WIPI2: variants seen among roughly 807,000 people sequenced by gnomAD.
The protein encoded by WIPI2 is WD repeat domain phosphoinositide-interacting protein 2.
Under a neutral mutation model 52.3 loss-of-function variants are expected in WIPI2, and 28 were observed. The ratio of observed to expected loss-of-function variants is 0.54; its 90% CI spans 0.40 to 0.73. WIPI2 has a LOEUF of 0.73. Among genes scored for constraint, WIPI2 ranks in the 30% least tolerant of loss-of-function variants. The pLI is 0.00. For synonymous variants in WIPI2, 268 were observed against 245.0 expected, an observed-to-expected ratio of 1.09 and a Z score of -0.88; for missense variants, 506 against 602.9, an observed-to-expected ratio of 0.84 and a Z score of 1.68.
intron 3 of WIPI2, among the ~76,000 whole-genome samples, chr7:5,204,839 G>A (rs896996174): frequency 6.6e-6 from 1 of 152,116 alleles, no homozygotes; most frequent in Non-Finnish European, 1.5e-5. Context: ...ACACCACCAT[G>A]CCCAGCTAAT....
At chr7:5,191,911 C>T (rs6956950) in intron 1 of WIPI2, among the ~76,000 whole-genome samples, 57,892 of 151,970 alleles carry the variant, frequency 0.38, 12,052 homozygotes, top group Non-Finnish European at 0.48. Flanking sequence ...GGCAAATCAC[C>T]TCATCCAACT....
intron 3 of WIPI2, among the ~76,000 whole-genome samples, chr7:5,210,945 G>A (rs1044441851): frequency 6.6e-5 from 10 of 152,180 alleles, no homozygotes; most frequent in Non-Finnish European, 1.5e-4. Flanking sequence ...CCACACATGT[G>A]CTTTCTCCGC....
intron 3 of WIPI2, among the ~76,000 whole-genome samples, chr7:5,204,802 T>C (rs1782212207): frequency 6.6e-6 from 1 of 152,064 alleles, no homozygotes; most frequent in Admixed American, 6.6e-5. Context: ...TCCCCCTTCT[T>C]GCATAGCTGG....
Position 5,210,225 on chromosome 7 carries a change from T to C in WIPI2, c.212-4310T>C, listed in dbSNP as rs118071494. ...CGCCTGGCCTGTAGCATAACTCCTA[T>C]AGATAGTTGCCTAAGTTTTTTTCCA... On this transcript the variant is annotated intron_variant, in intron 3 of 12. Coordinates refer to ENST00000288828, the MANE Select transcript of WIPI2 (RefSeq NM_015610.4). Among the ~76,000 whole-genome samples the C allele has an allele frequency of 2.6e-4, 40 of 152,270 alleles. No individual in the cohort carries two copies. In the East Asian group the frequency reaches 6.2e-3, roughly 24 times the overall value.
intron 3 of WIPI2, among the ~76,000 whole-genome samples, chr7:5,205,525 GTT>G (rs1183088069): frequency 6.6e-6 from 1 of 152,166 alleles, no homozygotes; most frequent in Admixed American, 6.5e-5. Context: ...GTCACACTTA[GTT>G]TCTGTCCTGC....
At position 5,231,860 on chromosome 7, in the gene WIPI2, G is replaced by A. The variant is rs1028657581; in HGVS notation, c.*913G>A. The A allele has an allele frequency of 4.2e-6, 1 of 240,952 alleles. No homozygotes were observed. 14.9% of individuals were successfully genotyped at this position (240,952 alleles called of 1,614,324 possible). On this transcript the variant is annotated 3_prime_UTR_variant, in exon 13 of 13. Transcript: ENST00000288828. ...CCTTTCGCTGGCCCCGCTGTCCGCA[G>A]GGGCTTCCTACCTGTGTGAGAGGTC...
Position 5,208,744 on chromosome 7 carries a change from C to G in WIPI2, c.212-5791C>G, listed in dbSNP as rs867115423. ...TGTGACCTGTGAGTCTGTTTCTGGA[C>G]TCTTTAGTCTCTTCTAATGATCTAT... On this transcript the variant is annotated intron_variant, in intron 3 of 12. Coordinates refer to ENST00000288828, the MANE Select transcript of WIPI2 (RefSeq NM_015610.4). Among the ~76,000 whole-genome samples, 7 of 152,184 alleles carry G rather than the reference C, an allele frequency of 4.6e-5. 1 individual carries two copies. Among genetic ancestry groups the G allele is most frequent in the Middle Eastern group, 3.4e-3 (1 of 294 alleles).
intron 3 of WIPI2, among the ~76,000 whole-genome samples, chr7:5,212,667 A>G (rs1409612573): frequency 1.3e-5 from 2 of 152,152 alleles, no homozygotes; most frequent in Non-Finnish European, 2.9e-5. Context: ...ACAGGCATGC[A>G]CCACCACGCC....
intron 7 of WIPI2, among the ~76,000 whole-genome samples, chr7:5,220,243 CT>C (rs11318842): frequency 0.82 from 105,112 of 128,846 alleles, 42,312 homozygotes; most frequent in East Asian, 0.9. Context: ...CTGCTTTTTG[CT>C]TTTTTTTTTT....
chr7:5,198,115 C>A (rs967032795), intron 2 of WIPI2, among the ~76,000 whole-genome samples: 1 of 152,114 alleles, frequency 6.6e-6, no homozygotes, highest in Admixed American at 6.5e-5. Context: ...CTGCTTTTTC[C>A]TTGTAAGCCA....
At chr7:5,214,485 CCA>C in intron 3 of WIPI2, 48 bp from the exon 4 acceptor site, 1 of 1,614,100 alleles carries the variant, frequency 6.2e-7, no homozygotes. Context: ...CTGCCTGTGG[CCA>C]TAGCCATGTG....
chr7:5,217,000 T>C lies in WIPI2; in HGVS notation c.479-90T>C, dbSNP rs1224678495. On this transcript the variant is annotated intron_variant, in intron 5 of 12. Transcript: ENST00000288828. The stretch of plus-strand genomic sequence containing the variant: ...CCAAGCTATTATTTGTTCCTAATGC[T>C]CTGTTAAATGAATGCTGAATTATGT... 3.1e-6 allele frequency: 4 copies of C among 1,308,544 alleles called. No individual in the cohort carries two copies. The East Asian group carries it at 7.0e-5, about 23-fold the overall frequency. 81.1% of individuals were successfully genotyped at this position (1,308,544 alleles called of 1,614,324 possible). A position where few individuals can be genotyped will look rare whatever the true frequency, so the allele number is the denominator to read the frequency against.
intron 3 of WIPI2, 56 bp from the exon 4 acceptor site, chr7:5,214,479 C>A: frequency 3.1e-6 from 5 of 1,614,032 alleles, no homozygotes; most frequent in Non-Finnish European, 4.2e-6. Context: ...CAGATTCTGC[C>A]TGTGGCCATA....
At chr7:5,210,800 T>C (rs905023063) in intron 3 of WIPI2, among the ~76,000 whole-genome samples, 3 of 152,216 alleles carry the variant, frequency 2.0e-5, no homozygotes, top group African/African-American at 7.2e-5. Context: ...GTAGGTGGCC[T>C]CTGGTCGCAA....
At chr7:5,218,729 G>A (rs564470265) in intron 7 of WIPI2, 1 of 152,334 alleles carries the variant, frequency 6.6e-6, no homozygotes, top group South Asian at 2.1e-4. Context: ...CGCGTGGCGA[G>A]GCTCCCTGGC....
rs890116922 is a variant in WIPI2 at position 5,193,864 on chromosome 7, G to A, written c.128+693G>A. On this transcript the variant is annotated intron_variant, in intron 2 of 12. Transcript: ENST00000288828. ...AGCATTGGGATTACAGGTGTGAGCCGTTGTGCCCGGCCTGAAGATGGTTTC... is the reference window on the plus strand; with the variant it reads ...AGCATTGGGATTACAGGTGTGAGCCATTGTGCCCGGCCTGAAGATGGTTTC... Among the ~76,000 whole-genome samples, 5 of 152,152 alleles carry A rather than the reference G, an allele frequency of 3.3e-5. No individual in the cohort carries two copies. The East Asian group carries it at 7.7e-4, about 23-fold the overall frequency.
chr7:5,195,330 C>G (rs1761178854), intron 2 of WIPI2, among the ~76,000 whole-genome samples: 2 of 152,054 alleles, frequency 1.3e-5, no homozygotes, highest in African/African-American at 2.4e-5. Context: ...CTACACAAAA[C>G]AAAAATTAGC....
chr7:5,209,621 C>T (rs559960059), intron 3 of WIPI2, among the ~76,000 whole-genome samples: 1 of 152,200 alleles, frequency 6.6e-6, no homozygotes, highest in African/African-American at 2.4e-5. Flanking sequence ...ATGATCGTCT[C>T]ATACTGTTCT....
intron 6 of WIPI2, chr7:5,217,707 TAGAAAA>T (rs1352526221): frequency 1.7e-6 from 1 of 575,036 alleles, no homozygotes; most frequent in African/African-American, 1.9e-5. Flanking sequence ...TGAAGGAACA[TAGAAAA>T]CCTTAGGGAT....
Sources: gnomAD v4.1 joint callset for allele counts (sites outside exome capture counted in the v4.1 genomes callset) on GRCh38, gnomAD v4.1.1 for gene constraint, MANE v1.5 for transcripts, NCBI Gene and HGNC (gene_info 2026-07-23, HGNC 2026-07-21) for gene names.